The following PCBD2 variants were observed in gnomAD, a reference collection of about 807,000 sequenced individuals.
PCBD2 encodes the protein pterin-4-alpha-carbinolamine dehydratase 2.
Under a neutral mutation model 16.4 loss-of-function variants are expected in PCBD2, and 12 were observed. That is an observed-to-expected ratio of 0.73 (90% CI 0.47 to 1.19). The LOEUF (loss-of-function observed/expected upper bound fraction) is 1.19. Ranked by LOEUF, PCBD2 falls within the 50% of genes most tolerant of loss-of-function variation. PCBD2 has a pLI of 0.00. For synonymous variants in PCBD2, 58 were observed against 61.8 expected (o/e 0.94, Z 0.29); for missense variants, 138 against 156.8 (o/e 0.88, Z 0.64).
At chr5:134,906,649 A>T (rs757003802) in intron 1 of PCBD2, among the ~76,000 whole-genome samples, 33 of 152,102 alleles carry the variant, frequency 2.2e-4, no homozygotes, top group Admixed American at 5.2e-4. Context: ...GGAAGGAATG[A>T]GTCAACAGAC....
At chr5:134,957,916 A>T (rs116087634) in intron 2 of PCBD2, among the ~76,000 whole-genome samples, 5 of 152,228 alleles carry the variant, frequency 3.3e-5, no homozygotes. Flanking sequence ...TGGCTCCGAG[A>T]GAGGTACCAT....
chr5:134,910,245 T>A, intron 1 of PCBD2, 90 bp from the exon 2 acceptor site: 3 of 1,407,498 alleles, frequency 2.1e-6, no homozygotes, highest in Non-Finnish European at 2.9e-6. Context: ...CTTTCAGACT[T>A]TTCTACATCT....
At chr5:134,942,172 G>C (rs796897763) in intron 2 of PCBD2, among the ~76,000 whole-genome samples, 3 of 147,514 alleles carry the variant, frequency 2.0e-5, no homozygotes, top group African/African-American at 7.5e-5. Flanking sequence ...ACTTATTTTT[G>C]CTAAAATTTA....
At position 134,907,913 on chromosome 5, in the gene PCBD2, C is replaced by T. The variant is rs1019243801; in HGVS notation, c.85-2422C>T. ...CTGGGATTACAGGTGTGAGCCACCA[C>T]GCCCGGACTTTTTTTTTTTTTTTTA... On this transcript the variant is annotated intron_variant, in intron 1 of 3. Transcript: ENST00000254908. Among the ~76,000 whole-genome samples, 6 of 148,626 alleles carry T rather than the reference C, an allele frequency of 4.0e-5. No individual in the cohort carries two copies. In the South Asian group the frequency reaches 6.4e-4, roughly 16 times the overall value.
chr5:134,913,434 G>A (rs534056836), intron 2 of PCBD2, among the ~76,000 whole-genome samples: 3 of 152,314 alleles, frequency 2.0e-5, no homozygotes, highest in South Asian at 2.1e-4. Flanking sequence ...CAAGCACAGA[G>A]TTTCCAAAGC....
intron 2 of PCBD2, among the ~76,000 whole-genome samples, chr5:134,939,230 G>A (rs531552688): frequency 1.3e-5 from 2 of 152,108 alleles, no homozygotes; most frequent in East Asian, 1.9e-4. Context: ...ATTCAGTACC[G>A]TCCTGTCTTC....
intron 2 of PCBD2, chr5:134,924,310 T>A (rs1209798795): frequency 2.5e-6 from 1 of 395,070 alleles, no homozygotes; most frequent in Admixed American, 4.4e-5. Context: ...TTGGGGGGAA[T>A]GATGGTTGTT....
intron 1 of PCBD2, among the ~76,000 whole-genome samples, chr5:134,909,523 A>G (rs1431929258): frequency 1.3e-5 from 2 of 152,212 alleles, no homozygotes; most frequent in East Asian, 3.8e-4. Context: ...AGCTGTCTCT[A>G]TGGTATGTTC....
At chr5:134,925,589 A>G (rs10075481) in intron 2 of PCBD2, 56,815 of 397,924 alleles carry the variant, frequency 0.14, 5,001 homozygotes, top group East Asian at 0.35. Context: ...GTAAGGGCGC[A>G]GACTGCTGCG....
intron 2 of PCBD2, chr5:134,924,594 T>A (rs1317881840): frequency 7.5e-6 from 3 of 398,862 alleles, no homozygotes; most frequent in Non-Finnish European, 1.3e-5. Context: ...AGTTACTGGT[T>A]GAACATTGTT....
intron 1 of PCBD2, among the ~76,000 whole-genome samples, chr5:134,907,219 AAATAAGTGTTT>A (rs1750703708): frequency 6.6e-6 from 1 of 152,252 alleles, no homozygotes; most frequent in African/African-American, 2.4e-5. Context: ...TGAGTTGACA[AAATAAGTGTTT>A]AATAAGAATT....
In PCBD2 at chr5:134,961,691, A is replaced by G. The variant is rs891370627; in HGVS notation, c.*1010A>G. ...GACTACAAATGCATTGTTTTGGAGA[A>G]TAGTTGTAAGGTGGAAAAAGAATTA... On this transcript the variant is annotated 3_prime_UTR_variant, in exon 4 of 4. Coordinates refer to ENST00000254908, the MANE Select transcript of PCBD2 (RefSeq NM_032151.5). 2.6e-5 allele frequency among the ~76,000 whole-genome samples: 4 copies of G among 152,224 alleles called. No individual in the cohort carries two copies. Among genetic ancestry groups the G allele is most frequent in the African/African-American group, 7.2e-5 (3 of 41,460 alleles).
chr5:134,959,010 A>G (rs1403401890), intron 2 of PCBD2, 30 bp from the exon 3 acceptor site: 1 of 1,571,132 alleles, frequency 6.4e-7, no homozygotes, highest in African/African-American at 1.4e-5. Flanking sequence ...GGACAATGTC[A>G]GTAATTACTC....
At chr5:134,925,050 G>A (rs1398689116) in intron 2 of PCBD2, 3 of 395,380 alleles carry the variant, frequency 7.6e-6, no homozygotes, top group African/African-American at 4.1e-5. Flanking sequence ...GGAGAATGCT[G>A]TTGGTGATGA....
At chr5:134,920,913 G>T in intron 2 of PCBD2, among the ~76,000 whole-genome samples, 1 of 152,360 alleles carries the variant, frequency 6.6e-6, no homozygotes, top group East Asian at 1.9e-4. Context: ...TGATCCGCCC[G>T]CCTTGGCCTC....
chr5:134,933,704 T>C (rs1580887607), intron 2 of PCBD2, among the ~76,000 whole-genome samples: 2 of 152,206 alleles, frequency 1.3e-5, no homozygotes, highest in East Asian at 3.8e-4. Context: ...GACACAAAAG[T>C]GTCAGGGAGC....
rs771324224 is a variant in PCBD2 at position 134,959,048 on chromosome 5, C to G, written c.225C>G (p.Gly75=). The G allele has an allele frequency of 2.5e-6, 4 of 1,613,650 alleles. No homozygotes were observed. In the East Asian group the frequency reaches 8.9e-5, roughly 36 times the overall value. Residue 75 remains glycine, a synonymous_variant, in exon 3 of 4, where the codon GGC becomes GGG. Transcript: ENST00000254908. ...GACTTCATCTTATGCAGGCATTTGG[C>G]TTTATGTCCCGAGTTGCCCTACAAG... ...FSFHNFNQAF[G]FMSRVALQAE...
chr5:134,915,891 C>T (rs1750826546), intron 2 of PCBD2, among the ~76,000 whole-genome samples: 1 of 152,130 alleles, frequency 6.6e-6, no homozygotes, highest in Admixed American at 6.5e-5. Flanking sequence ...AATGGCAGCA[C>T]CTCTCCTGGC....
chr5:134,939,895 C>T (rs116937485), intron 2 of PCBD2, among the ~76,000 whole-genome samples: 1 of 152,182 alleles, frequency 6.6e-6, no homozygotes, highest in East Asian at 1.9e-4. Context: ...AATGTAATTG[C>T]TGGCATAAGG....
Sources: allele counts gnomAD v4.1 joint callset (sites outside exome capture counted in the v4.1 genomes callset), GRCh38; gene constraint gnomAD v4.1.1; transcripts MANE v1.5; gene names NCBI Gene and HGNC (gene_info 2026-07-23, HGNC 2026-07-21).